The following FRK variants were observed in gnomAD, a reference collection of about 807,000 sequenced individuals.
FRK encodes the protein tyrosine-protein kinase FRK.
In FRK, 51 loss-of-function variants were observed where a neutral mutation model predicts 56.4. The ratio of observed to expected loss-of-function variants is 0.90; its 90% CI spans 0.72 to 1.14. The LOEUF is 1.14. Ranked by LOEUF, FRK falls within the 50% of genes most tolerant of loss-of-function variation. FRK has a pLI of 0.00. For synonymous variants in FRK, 245 were observed against 217.9 expected (o/e 1.12, Z -1.10); for missense variants, 570 against 601.4 (o/e 0.95, Z 0.55).
At position 115,942,483 on chromosome 6, in the gene FRK, CA is replaced by C; in HGVS notation, c.1448del (p.Leu483ArgfsTer22). The C allele has an allele frequency of 6.2e-7, 1 of 1,613,750 alleles. No individual in the cohort carries two copies. The highest frequency in any genetic ancestry group is 8.5e-7 in the Non-Finnish European group (1 of 1,179,756). On this transcript the variant is annotated frameshift_variant, in exon 8 of 8. Transcript: ENST00000606080. LOFTEE classifies it high-confidence loss of function. ...CAAAATAGTCTTCAAGTTTCCAACG[CA>C]GTGTCTCAAATGTAGGTCGTTCCTT... ...EPKERPTFET[L>X]RWKLEDYFET... is the part of the protein sequence containing the mutation.
chr6:115,950,206 C>A (rs1404515576), intron 5 of FRK, among the ~76,000 whole-genome samples: 1 of 152,034 alleles, frequency 6.6e-6, no homozygotes, highest in Non-Finnish European at 1.5e-5. Flanking sequence ...CAAAAGAGCT[C>A]CTGCACAGCA....
chr6:116,022,358 T>C (rs1231144982), intron 1 of FRK, among the ~76,000 whole-genome samples: 1 of 152,080 alleles, frequency 6.6e-6, no homozygotes, highest in African/African-American at 2.4e-5. Flanking sequence ...TCATAGAGAA[T>C]CATCTTTTTC....
chr6:115,961,561 C>A, intron 4 of FRK, among the ~76,000 whole-genome samples: 1 of 66,798 alleles, frequency 1.5e-5, no homozygotes, highest in Non-Finnish European at 2.8e-5. Context: ...AAAGATACTC[C>A]TCGAGAAGAG....
intron 3 of FRK, among the ~76,000 whole-genome samples, chr6:115,968,263 C>T (rs566182771): frequency 2.2e-4 from 33 of 152,170 alleles, no homozygotes; most frequent in African/African-American, 7.5e-4. Flanking sequence ...AAGCAAGACC[C>T]CTGCCTTCCT....
At position 116,031,339 on chromosome 6, in the gene FRK, A is replaced by G. The variant is rs138121339; in HGVS notation, c.345-27341T>C. On this transcript the variant is annotated intron_variant, in intron 1 of 7. Coordinates refer to ENST00000606080, the MANE Select transcript of FRK (RefSeq NM_002031.3). ...TACTTTTGTATAATAAATTTGTTAT[A>G]CATATATCACCTGAAAAATATATTT... 6.4e-3 allele frequency among the ~76,000 whole-genome samples: 981 copies of G among 152,274 alleles called. 7 individuals carry two copies. Among genetic ancestry groups the G allele is most frequent in the Non-Finnish European group, 9.6e-3 (652 of 68,006 alleles).
chr6:116,095,714 A>T, the FRK span, among the ~76,000 whole-genome samples: 1 of 152,234 alleles, frequency 6.6e-6, no homozygotes, highest in Non-Finnish European at 1.5e-5. Context: ...ATTTGCAAGA[A>T]ATAACAAAAT....
chr6:115,944,095 G>A (rs1260974726), intron 6 of FRK, 149 bp downstream of exon 6: 1 of 547,970 alleles, frequency 1.8e-6, no homozygotes, highest in East Asian at 3.1e-5. Context: ...GGTGCAGGTA[G>A]TTTGTAAGGC....
Position 116,014,742 on chromosome 6 carries a change from G to A in FRK, c.345-10744C>T, listed in dbSNP as rs192729106. Among the ~76,000 whole-genome samples the A allele has an allele frequency of 5.2e-3, 793 of 151,984 alleles. 7 individuals carry two copies. The highest frequency in any genetic ancestry group is 8.4e-3 in the Non-Finnish European group (571 of 67,932). On this transcript the variant is annotated intron_variant, in intron 1 of 7. Coordinates refer to ENST00000606080, the MANE Select transcript of FRK (RefSeq NM_002031.3). ...GCCCTGAGCTCACCAGCAATATGAG[G>A]GAAAAAATGTGACTTGTTCTTTAAA...
At chr6:116,089,579 C>T in the FRK span, among the ~76,000 whole-genome samples, 58 of 152,310 alleles carry the variant, frequency 3.8e-4, no homozygotes, top group African/African-American at 8.7e-4. Flanking sequence ...GTCTTGTAGA[C>T]GGCTGCCTTC....
At chr6:116,038,918 A>G (rs534839012) in intron 1 of FRK, 22 of 625,688 alleles carry the variant, frequency 3.5e-5, no homozygotes, top group Non-Finnish European at 6.2e-5. Flanking sequence ...CCCAGAAGCT[A>G]GAGCCCAAGA....
intron 2 of FRK, among the ~76,000 whole-genome samples, chr6:115,971,455 T>C (rs1773802285): frequency 6.6e-6 from 1 of 152,198 alleles, no homozygotes; most frequent in Admixed American, 6.6e-5. Context: ...CAACACTGAA[T>C]TTGAAGGTAA....
chr6:115,954,255 T>C (rs1406418601), intron 5 of FRK, among the ~76,000 whole-genome samples: 1 of 152,188 alleles, frequency 6.6e-6, no homozygotes, highest in African/African-American at 2.4e-5. Context: ...GGAGAAGTTG[T>C]AGAAGATGAG....
At chr6:116,045,077 A>C (rs1394578114) in intron 1 of FRK, among the ~76,000 whole-genome samples, 1 of 152,210 alleles carries the variant, frequency 6.6e-6, no homozygotes, top group Admixed American at 6.5e-5. Context: ...TCAAGGAAAT[A>C]AGAGAGGACA....
chr6:115,993,332 T>C (rs1011527172), intron 2 of FRK, among the ~76,000 whole-genome samples: 5 of 151,912 alleles, frequency 3.3e-5, no homozygotes, highest in African/African-American at 9.7e-5. Flanking sequence ...TATGTTTTTA[T>C]TGAGTTTTGA....
intron 2 of FRK, among the ~76,000 whole-genome samples, chr6:115,982,400 C>T (rs1774230025): frequency 6.6e-6 from 1 of 152,108 alleles, no homozygotes; most frequent in South Asian, 2.1e-4. Flanking sequence ...AGCCAATTCC[C>T]ATAATAAATT....
chr6:116,073,102 G>C, the FRK span, among the ~76,000 whole-genome samples: 1 of 152,136 alleles, frequency 6.6e-6, no homozygotes, highest in Admixed American at 6.6e-5. Context: ...TTATGAGTTA[G>C]TATTGCAGAA....
At position 115,934,938 on chromosome 6, in the gene FRK, G is replaced by C. The variant is rs926378963; in HGVS notation, c.*7476C>G. 2.2e-4 allele frequency: 6 copies of C among 27,528 alleles called. No homozygotes were observed. 1.7% of individuals were successfully genotyped at this position (27,528 alleles called of 1,614,324 possible). ...GAGTAAAAACCCTCTTATCCTACCA[G>C]ACCAAAAAAAAAAAAAAACTTTCAT... On this transcript the variant is annotated 3_prime_UTR_variant, in exon 8 of 8. Transcript: ENST00000606080.
chr6:116,047,256 C>G (rs899461230), intron 1 of FRK, among the ~76,000 whole-genome samples: 3 of 151,982 alleles, frequency 2.0e-5, no homozygotes, highest in Admixed American at 6.6e-5. Context: ...ATATCTAACC[C>G]ACCAGGGGAT....
At chr6:115,988,121 C>A (rs1235583102) in intron 2 of FRK, among the ~76,000 whole-genome samples, 1 of 151,956 alleles carries the variant, frequency 6.6e-6, no homozygotes, top group Non-Finnish European at 1.5e-5. Flanking sequence ...AGTTTCTGTG[C>A]CAAATTTTCT....
Sources: gnomAD v4.1 joint callset for allele counts (sites outside exome capture counted in the v4.1 genomes callset) on GRCh38, gnomAD v4.1.1 for gene constraint, MANE v1.5 for transcripts, NCBI Gene and HGNC (gene_info 2026-07-23, HGNC 2026-07-21) for gene names.